The following TTC6 variants were observed in gnomAD, a reference collection of about 807,000 sequenced individuals.
The protein encoded by TTC6 is tetratricopeptide repeat domain 6.
Under a neutral mutation model 210.4 loss-of-function variants are expected in TTC6, and 172 were observed. That is an observed-to-expected ratio of 0.82 (90% CI 0.72 to 0.93). The LOEUF is 0.93. Among genes scored for constraint, TTC6 ranks in the 40% least tolerant of loss-of-function variants. The pLI is 0.00. For missense variants in TTC6, 2,414 were observed against 2,318.1 expected (o/e 1.04, Z -0.85); for synonymous variants, 804 against 819.6 (o/e 0.98, Z 0.32).
At chr14:37,787,358 G>A in intron 14 of TTC6, 110 bp from the exon 17 acceptor site, 1 of 809,376 alleles carries the variant, frequency 1.2e-6, no homozygotes, top group Non-Finnish European at 1.8e-6. Context: ...GTGAAGCAAG[G>A]AGAAACATTT....
At chr14:37,753,134 A>G in exon 14 of TTC6, 1 of 1,535,300 alleles carries the variant, frequency 6.5e-7, no homozygotes, top group Non-Finnish European at 8.7e-7. Context: ...CAGATGCATT[A>G]TTGAAACGTG....
intron 7 of TTC6, among the ~76,000 whole-genome samples, chr14:37,726,270 C>A (rs1595157710): frequency 6.6e-6 from 1 of 152,042 alleles, no homozygotes; most frequent in Non-Finnish European, 1.5e-5. Context: ...TGAGTAATAG[C>A]ATAATAAAGC....
chr14:37,622,817 G>C, exon 1 of TTC6: 20 of 1,534,058 alleles, frequency 1.3e-5, no homozygotes, highest in Non-Finnish European at 1.7e-5. Flanking sequence ...AGGGAGAACA[G>C]GAGAGCTGGC....
At chr14:37,773,207 T>G in intron 14 of TTC6, among the ~76,000 whole-genome samples, 1 of 152,318 alleles carries the variant, frequency 6.6e-6, no homozygotes, top group Non-Finnish European at 1.5e-5. Flanking sequence ...TTTCTCCCAT[T>G]CAGTAGGTTG....
intron 14 of TTC6, among the ~76,000 whole-genome samples, chr14:37,765,118 C>G (rs1224262606): frequency 6.6e-6 from 1 of 151,624 alleles, no homozygotes; most frequent in South Asian, 2.1e-4. Flanking sequence ...TAAGTTTGTC[C>G]CCAACTTGAT....
At chr14:37,783,308 G>T (rs528014109) in intron 14 of TTC6, among the ~76,000 whole-genome samples, 8 of 152,158 alleles carry the variant, frequency 5.3e-5, no homozygotes, top group East Asian at 1.9e-4. Flanking sequence ...CAATTTCAGA[G>T]CCTGTTATTG....
chr14:37,746,913 T>C (rs2095937747), intron 10 of TTC6, among the ~76,000 whole-genome samples: 1 of 152,160 alleles, frequency 6.6e-6, no homozygotes, highest in South Asian at 2.1e-4. Context: ...TCACTCTCAT[T>C]CATACCTCCT....
exon 1 of TTC6, chr14:37,622,128 C>G (rs1409928523): frequency 2.7e-5 from 41 of 1,535,294 alleles, no homozygotes; most frequent in Non-Finnish European, 2.7e-5. Flanking sequence ...GTTTAAAGAG[C>G]TTGAGAAAGT....
In TTC6 at chr14:37,662,678, C is replaced by T. The variant is rs1036204038; in HGVS notation, c.940-17473C>T. 7.9e-5 allele frequency among the ~76,000 whole-genome samples: 12 copies of T among 152,164 alleles called. 1 individual carries two copies. Among genetic ancestry groups the T allele is most frequent in the Admixed American group, 1.3e-4 (2 of 15,260 alleles). ...ATTGAATAGGGAGTCCTTTCCCCAT[C>T]GCTTCTTGTTGTTAGCTTTGTTGAA... On this transcript the variant is annotated intron_variant, in intron 1 of 30. Transcript: ENST00000553443.
Position 37,645,916 on chromosome 14 carries a change from G to A in TTC6, c.939+22913G>A, listed in dbSNP as rs2095700726. On this transcript the variant is annotated intron_variant, in intron 1 of 30. Coordinates refer to ENST00000553443, the Ensembl canonical transcript of TTC6. ...AAATAATTATCGTTTACCTATTCAT[G>A]CAATGTAAAAATTAATATAACACCC... Among the ~76,000 whole-genome samples, 5 of 152,120 alleles carry A rather than the reference G, an allele frequency of 3.3e-5. No individual in the cohort carries two copies. In the South Asian group the frequency reaches 1.0e-3, roughly 32 times the overall value.
intron 1 of TTC6, among the ~76,000 whole-genome samples, chr14:37,636,831 A>G (rs1285175399): frequency 6.6e-6 from 1 of 152,252 alleles, no homozygotes; most frequent in Non-Finnish European, 1.5e-5. Context: ...ATGAAAAGGC[A>G]GAGGAAGTAG....
chr14:37,607,627 T>C (rs942444877), intron 2 of TTC6, among the ~76,000 whole-genome samples: 19 of 152,130 alleles, frequency 1.2e-4, no homozygotes, highest in Admixed American at 6.5e-4. Flanking sequence ...CTTTTTTTTT[T>C]TTTTTCTTTT....
chr14:37,643,256 C>T (rs546546886), intron 1 of TTC6, among the ~76,000 whole-genome samples: 5 of 152,020 alleles, frequency 3.3e-5, no homozygotes, highest in East Asian at 1.9e-4. Flanking sequence ...TGCAGTGAGC[C>T]GAGATTGCAC....
intron 14 of TTC6, among the ~76,000 whole-genome samples, chr14:37,779,165 G>A (rs984552029): frequency 6.6e-6 from 1 of 152,182 alleles, no homozygotes; most frequent in Non-Finnish European, 1.5e-5. Context: ...GAGTCACTGG[G>A]AGCCAGAAAT....
intron 1 of TTC6, among the ~76,000 whole-genome samples, chr14:37,634,164 C>T (rs1029990426): frequency 6.6e-6 from 1 of 152,002 alleles, no homozygotes; most frequent in Non-Finnish European, 1.5e-5. Flanking sequence ...AATTATCTAA[C>T]AAAGATTTTA....
chr14:37,645,230 G>GTT (rs1014205413), intron 1 of TTC6, among the ~76,000 whole-genome samples: 1 of 152,188 alleles, frequency 6.6e-6, no homozygotes, highest in Non-Finnish European at 1.5e-5. Flanking sequence ...TTCAGTGAAA[G>GTT]TTCAATATCT....
intron 22 of TTC6, 41 bp from the exon 25 acceptor site, chr14:37,807,279 T>G: frequency 7.0e-7 from 1 of 1,428,646 alleles, no homozygotes; most frequent in Non-Finnish European, 9.3e-7. Context: ...GTGCTTTTAC[T>G]AAAGCATCCA....
intron 17 of TTC6, among the ~76,000 whole-genome samples, chr14:37,793,716 T>C (rs1049269163): frequency 1.8e-4 from 27 of 152,184 alleles, no homozygotes; most frequent in African/African-American, 6.5e-4. Context: ...AACACTAGCA[T>C]GATAGCAAGG....
intron 14 of TTC6, among the ~76,000 whole-genome samples, chr14:37,764,700 A>G (rs1054616954): frequency 2.0e-5 from 3 of 152,106 alleles, no homozygotes; most frequent in African/African-American, 7.2e-5. Context: ...TCATGTAGCT[A>G]TATTATAGTT....
Sources: allele counts gnomAD v4.1 joint callset (sites outside exome capture counted in the v4.1 genomes callset), GRCh38; gene constraint gnomAD v4.1.1; transcripts MANE v1.5; gene names NCBI Gene and HGNC (gene_info 2026-07-23, HGNC 2026-07-21).